ERC2: variants seen among roughly 807,000 people sequenced by gnomAD.
The protein encoded by ERC2 is ELKS/RAB6-interacting/CAST family member 2.
In ERC2, 42 loss-of-function variants were observed where a neutral mutation model predicts 114.8. The ratio of observed to expected loss-of-function variants is 0.37; its 90% CI spans 0.29 to 0.47. The LOEUF (loss-of-function observed/expected upper bound fraction) is 0.47, where lower values mean the gene tolerates loss of function less well. ERC2 is among the 20% of genes least tolerant of loss of function. The pLI is 0.99. For missense variants in ERC2, 939 were observed against 1,150.7 expected (o/e 0.82, Z 2.66); for synonymous variants, 454 against 425.5 (o/e 1.07, Z -0.82).
In ERC2 at chr3:56,117,235, G is replaced by A. The variant is rs17056456; in HGVS notation, c.1473+22274C>T. Among the ~76,000 whole-genome samples, 479 of 152,288 alleles carry A rather than the reference G, an allele frequency of 3.1e-3. 1 individual carries two copies. The highest frequency in any genetic ancestry group is 0.011 in the African/African-American group (461 of 41,548). ...TCAGTGCTTACAGTGGAGAGTGGAT[G>A]CTTAATGGTCACTAGACTGAATAAA... On this transcript the variant is annotated intron_variant, in intron 6 of 17. Transcript: ENST00000288221.
At chr3:56,318,440 G>T (rs1576412553) in intron 2 of ERC2, among the ~76,000 whole-genome samples, 1 of 152,068 alleles carries the variant, frequency 6.6e-6, no homozygotes, top group African/African-American at 2.4e-5. Context: ...TCCTCCCAAA[G>T]TGCTGAGATT....
intron 15 of ERC2, among the ~76,000 whole-genome samples, chr3:55,704,360 C>A (rs1453627730): frequency 6.6e-6 from 1 of 152,276 alleles, no homozygotes; most frequent in Admixed American, 6.5e-5. Context: ...AACGATAAAA[C>A]CTTCATGAAT....
intron 2 of ERC2, among the ~76,000 whole-genome samples, chr3:56,399,737 T>G (rs2060450880): frequency 6.6e-6 from 1 of 151,642 alleles, no homozygotes; most frequent in African/African-American, 2.4e-5. Context: ...AGAAATAACT[T>G]TCCAAAATTT....
chr3:55,571,622 C>T (rs952906575), intron 17 of ERC2, among the ~76,000 whole-genome samples: 10 of 152,188 alleles, frequency 6.6e-5, no homozygotes, highest in Admixed American at 2.6e-4. Context: ...CTCTTGCCCA[C>T]GTTTTCCCCT....
At chr3:56,459,527 CCACACACACACACA>C (rs58270143) in intron 1 of ERC2, among the ~76,000 whole-genome samples, 2 of 150,612 alleles carry the variant, frequency 1.3e-5, no homozygotes, top group Non-Finnish European at 3.0e-5. Flanking sequence ...TGCTATCAGA[CCACACACACACACA>C]CACACACACA....
At chr3:55,801,400 G>A (rs1276395589) in intron 14 of ERC2, among the ~76,000 whole-genome samples, 1 of 152,170 alleles carries the variant, frequency 6.6e-6, no homozygotes, top group East Asian at 1.9e-4. Flanking sequence ...GTCCAAGAGG[G>A]ATGTGAAAAG....
At chr3:55,769,067 G>T (rs971514927) in intron 14 of ERC2, among the ~76,000 whole-genome samples, 3 of 152,096 alleles carry the variant, frequency 2.0e-5, no homozygotes, top group Middle Eastern at 3.2e-3. Context: ...ACTGGGATGA[G>T]TGTTAGGATC....
chr3:56,035,250 A>T (rs745537356), intron 7 of ERC2, among the ~76,000 whole-genome samples: 1 of 152,210 alleles, frequency 6.6e-6, no homozygotes, highest in Non-Finnish European at 1.5e-5. Context: ...TTTTAGAAAC[A>T]CGTAACCTAC....
intron 15 of ERC2, among the ~76,000 whole-genome samples, chr3:55,710,099 C>T (rs1327323548): frequency 1.3e-5 from 2 of 152,150 alleles, no homozygotes; most frequent in East Asian, 1.9e-4. Context: ...TCCTCCCTTT[C>T]GTCTGGATCA....
At chr3:55,999,778 A>G (rs1360132427) in intron 10 of ERC2, among the ~76,000 whole-genome samples, 2 of 151,672 alleles carry the variant, frequency 1.3e-5, no homozygotes, top group Non-Finnish European at 2.9e-5. Context: ...AAGAAATAAT[A>G]TTGGGAACAT....
chr3:55,536,795 C>A (rs1559614835), intron 17 of ERC2, among the ~76,000 whole-genome samples: 1 of 152,182 alleles, frequency 6.6e-6, no homozygotes, highest in East Asian at 1.9e-4. Flanking sequence ...CTAGATCACT[C>A]TCAGAATGCT....
intron 13 of ERC2, among the ~76,000 whole-genome samples, chr3:55,939,200 G>A (rs1238026904): frequency 6.6e-6 from 1 of 152,158 alleles, no homozygotes; most frequent in Admixed American, 6.5e-5. Context: ...GGGCAATCCA[G>A]GTGAATTTTG....
At chr3:55,686,705 A>C (rs1411866765) in intron 16 of ERC2, among the ~76,000 whole-genome samples, 1 of 152,220 alleles carries the variant, frequency 6.6e-6, no homozygotes, top group African/African-American at 2.4e-5. Context: ...GCATTTTAAA[A>C]TGCATCTATC....
At chr3:55,675,265 T>C (rs1220514694) in intron 17 of ERC2, among the ~76,000 whole-genome samples, 2 of 152,204 alleles carry the variant, frequency 1.3e-5, no homozygotes, top group Non-Finnish European at 2.9e-5. Flanking sequence ...GACAAACATG[T>C]TCATGGGGAA....
intron 14 of ERC2, among the ~76,000 whole-genome samples, chr3:55,838,358 T>C (rs1268852284): frequency 6.6e-6 from 1 of 152,100 alleles, no homozygotes; most frequent in Non-Finnish European, 1.5e-5. Flanking sequence ...AAAAGTATGT[T>C]TTCTGACCAT....
chr3:55,532,228 C>G (rs765753254), intron 17 of ERC2, among the ~76,000 whole-genome samples: 13 of 152,204 alleles, frequency 8.5e-5, no homozygotes, highest in African/African-American at 3.1e-4. Flanking sequence ...CTTGTCCCAG[C>G]TTTAACATGA....
chr3:56,222,610 T>C (rs1036025220), intron 3 of ERC2, among the ~76,000 whole-genome samples: 6 of 152,198 alleles, frequency 3.9e-5, no homozygotes, highest in African/African-American at 9.6e-5. Context: ...TAAGTACTTA[T>C]CTAATTTTTG....
intron 7 of ERC2, among the ~76,000 whole-genome samples, chr3:56,030,403 T>C (rs1454896295): frequency 2.0e-5 from 3 of 152,208 alleles, no homozygotes; most frequent in East Asian, 3.8e-4. Flanking sequence ...GTTCAATTGC[T>C]GATAGTGGTA....
At chr3:55,765,759 A>G (rs2067733827) in intron 14 of ERC2, among the ~76,000 whole-genome samples, 1 of 152,176 alleles carries the variant, frequency 6.6e-6, no homozygotes, top group South Asian at 2.1e-4. Flanking sequence ...ACCAGACTAA[A>G]AACCTGAGGA....
Sources: allele counts gnomAD v4.1 joint callset (sites outside exome capture counted in the v4.1 genomes callset), GRCh38; gene constraint gnomAD v4.1.1; transcripts MANE v1.5; gene names NCBI Gene and HGNC (gene_info 2026-07-23, HGNC 2026-07-21).